The following XYLT1 variants were observed in gnomAD, a reference collection of about 807,000 sequenced individuals.
XYLT1 encodes the protein xylosyltransferase 1, also known as beta-D-xylosyltransferase 1.
Under a neutral mutation model 91.3 loss-of-function variants are expected in XYLT1, and 36 were observed. The observed-to-expected ratio is 0.39, with a 90% CI of 0.30 to 0.52. The LOEUF (loss-of-function observed/expected upper bound fraction) is 0.52. Among genes scored for constraint, XYLT1 ranks in the 20% least tolerant of loss-of-function variants. XYLT1 has a pLI of 0.68. For synonymous variants in XYLT1, 588 were observed against 532.0 expected (o/e 1.11, Z -1.45); for missense variants, 1,242 against 1,284.5 (o/e 0.97, Z 0.51).
intron 1 of XYLT1, among the ~76,000 whole-genome samples, chr16:17,428,691 G>A (rs1015657514): frequency 6.6e-6 from 1 of 152,164 alleles, no homozygotes; most frequent in African/African-American, 2.4e-5. Context: ...TCCCCTTGCC[G>A]CCAGGGGTTT....
At chr16:17,148,460 T>A (rs2031194837) in intron 6 of XYLT1, among the ~76,000 whole-genome samples, 1 of 152,212 alleles carries the variant, frequency 6.6e-6, no homozygotes, top group Admixed American at 6.5e-5. Flanking sequence ...CACTGCTGTA[T>A]CCCTACTGCT....
intron 2 of XYLT1, among the ~76,000 whole-genome samples, chr16:17,296,285 A>G (rs1037469015): frequency 6.6e-6 from 1 of 152,158 alleles, no homozygotes; most frequent in Non-Finnish European, 1.5e-5. Context: ...GTGTTGGGGT[A>G]CCACAGGAGG....
At chr16:17,232,405 CTG>C (rs1199361319) in intron 3 of XYLT1, among the ~76,000 whole-genome samples, 3,186 of 119,124 alleles carry the variant, frequency 0.027, 62 homozygotes, top group Non-Finnish European at 0.037. Flanking sequence ...GTGTCTGTGT[CTG>C]TGTGTGTGTG....
chr16:17,233,211 C>T (rs957439903), intron 3 of XYLT1, among the ~76,000 whole-genome samples: 2 of 152,210 alleles, frequency 1.3e-5, no homozygotes, highest in African/African-American at 4.8e-5. Flanking sequence ...GCATCCCCTG[C>T]CGGCTTCAAG....
intron 3 of XYLT1, among the ~76,000 whole-genome samples, chr16:17,230,414 T>C (rs1289480989): frequency 6.6e-6 from 1 of 152,176 alleles, no homozygotes; most frequent in Admixed American, 6.5e-5. Context: ...CTAGTTCCGA[T>C]GTCCCCATTT....
chr16:17,455,638 A>T (rs1364166967), intron 1 of XYLT1, among the ~76,000 whole-genome samples: 1 of 151,832 alleles, frequency 6.6e-6, no homozygotes, highest in East Asian at 1.9e-4. Flanking sequence ...GGTAGATTTA[A>T]ATTGTTTTCC....
intron 2 of XYLT1, among the ~76,000 whole-genome samples, chr16:17,324,465 C>G (rs1473712698): frequency 6.6e-6 from 1 of 152,126 alleles, no homozygotes; most frequent in Non-Finnish European, 1.5e-5. Context: ...TATGCCCAGT[C>G]TACTGCAGGG....
At chr16:17,240,808 G>A (rs1015459396) in intron 3 of XYLT1, among the ~76,000 whole-genome samples, 1 of 152,170 alleles carries the variant, frequency 6.6e-6, no homozygotes. Context: ...AGGAGAACCT[G>A]TTGGATAGAT....
chr16:17,392,870 C>T (rs141650612), intron 1 of XYLT1, among the ~76,000 whole-genome samples: 4 of 152,262 alleles, frequency 2.6e-5, no homozygotes, highest in African/African-American at 9.6e-5. Context: ...TTTACTTTAT[C>T]CCATGTAAAA....
chr16:17,328,548 CAAAAAAAAA>C (rs71373105), intron 2 of XYLT1, among the ~76,000 whole-genome samples: 9 of 51,256 alleles, frequency 1.8e-4, no homozygotes, highest in Admixed American at 5.2e-4. Context: ...GACTCCTTCT[CAAAAAAAAA>C]AAAAAAAAAA....
chr16:17,118,040 A>C, intron 10 of XYLT1, 61 bp from the exon 11 acceptor site: 2 of 1,523,430 alleles, frequency 1.3e-6, no homozygotes, highest in Non-Finnish European at 1.8e-6. Context: ...AGGTCTCAGA[A>C]AGGTCTAGGA....
chr16:17,172,611 A>G (rs1317441743), intron 5 of XYLT1, among the ~76,000 whole-genome samples: 1 of 151,372 alleles, frequency 6.6e-6, no homozygotes, highest in Non-Finnish European at 1.5e-5. Context: ...AGCTGGGATT[A>G]CAAGCATCCA....
At chr16:17,302,071 G>T (rs1388896934) in intron 2 of XYLT1, among the ~76,000 whole-genome samples, 1 of 152,012 alleles carries the variant, frequency 6.6e-6, no homozygotes, top group African/African-American at 2.4e-5. Context: ...AATTAGCCAG[G>T]CGTGGTGGCA....
intron 3 of XYLT1, among the ~76,000 whole-genome samples, chr16:17,253,176 C>T (rs1171122732): frequency 1.3e-5 from 2 of 152,218 alleles, no homozygotes; most frequent in African/African-American, 2.4e-5. Context: ...AATTGTAAGC[C>T]GTTTTGTTCC....
rs1403074260 is a variant in XYLT1 at position 17,106,089 on chromosome 16, T to A, written c.*2606A>T. The A allele has an allele frequency of 6.6e-6, 1 of 151,946 alleles. No individual in the cohort carries two copies. Among genetic ancestry groups the A allele is most frequent in the Non-Finnish European group, 1.5e-5 (1 of 68,016 alleles). The allele number at this position is 151,946 out of a possible 1,614,324, so 9.4% of individuals were successfully genotyped here. ...TGAAGCCATGGGAAAAAGGGAAGGGTCCCCAGAGTCAGCCAGCTCTGCCAT... is the reference window on the plus strand; with the variant it reads ...TGAAGCCATGGGAAAAAGGGAAGGGACCCCAGAGTCAGCCAGCTCTGCCAT... On this transcript the variant is annotated 3_prime_UTR_variant, in exon 12 of 12. Transcript: ENST00000261381.
chr16:17,389,929 A>G (rs1265052509), intron 1 of XYLT1, among the ~76,000 whole-genome samples: 1 of 152,168 alleles, frequency 6.6e-6, no homozygotes, highest in African/African-American at 2.4e-5. Context: ...GCCTGAAGTC[A>G]GGGAAGGGAA....
In XYLT1 at chr16:17,105,377, C is replaced by G. The variant is rs1966760248; in HGVS notation, c.*3318G>C. On this transcript the variant is annotated 3_prime_UTR_variant, in exon 12 of 12. Transcript: ENST00000261381. The stretch of plus-strand genomic sequence containing the variant: ...ATTTGCGTTTTAGAAGTTAAACCCA[C>G]AATGAGAAATGAAGCCGGAAGGACT... 2 of 152,196 alleles carry G rather than the reference C, an allele frequency of 1.3e-5. No individual in the cohort carries two copies. Among genetic ancestry groups the G allele is most frequent in the South Asian group, 4.1e-4 (2 of 4,834 alleles). The allele number at this position is 152,196 out of a possible 1,614,324, so 9.4% of individuals were successfully genotyped here.
At chr16:17,124,188 T>C (rs528006900) in intron 10 of XYLT1, among the ~76,000 whole-genome samples, 37 of 152,330 alleles carry the variant, frequency 2.4e-4, no homozygotes, top group African/African-American at 8.9e-4. Context: ...CCTGAATACC[T>C]TGGTTTGTTT....
At chr16:17,287,834 AAAT>A (rs1019342025) in intron 2 of XYLT1, among the ~76,000 whole-genome samples, 7 of 152,214 alleles carry the variant, frequency 4.6e-5, no homozygotes, top group African/African-American at 7.2e-5. Flanking sequence ...CTGGCAGCAG[AAAT>A]AATAATACCA....
Sources: allele counts gnomAD v4.1 joint callset (sites outside exome capture counted in the v4.1 genomes callset), GRCh38; gene constraint gnomAD v4.1.1; transcripts MANE v1.5; gene names NCBI Gene and HGNC (gene_info 2026-07-23, HGNC 2026-07-21).